TAOK3: variants seen among roughly 807,000 people sequenced by gnomAD.
The protein encoded by TAOK3 is serine/threonine-protein kinase TAO3.
A neutral mutation model predicts 120.4 loss-of-function variants in TAOK3; 40 were observed. The ratio of observed to expected loss-of-function variants is 0.33; its 90% CI spans 0.26 to 0.43. TAOK3 has a LOEUF of 0.43. Among genes scored for constraint, TAOK3 ranks in the 20% least tolerant of loss-of-function variants. The probability of loss-of-function intolerance (pLI) is 1.00; values close to 1 mark genes in which losing one functional copy is unlikely to be tolerated. For missense variants in TAOK3, 821 were observed against 1,112.1 expected, an observed-to-expected ratio of 0.74 and a Z score of 3.72; for synonymous variants, 355 against 387.5, an observed-to-expected ratio of 0.92 and a Z score of 0.99.
chr12:118,166,827 TACAC>T (rs769244693), intron 17 of TAOK3, among the ~76,000 whole-genome samples: 15 of 146,614 alleles, frequency 1.0e-4, no homozygotes, highest in South Asian at 2.1e-4. Flanking sequence ...TATATATATA[TACAC>T]ACACACACAC....
chr12:118,326,746 T>C (rs1030022283), intron 1 of TAOK3, among the ~76,000 whole-genome samples: 3 of 152,192 alleles, frequency 2.0e-5, no homozygotes, highest in Admixed American at 6.5e-5. Flanking sequence ...GTTGTCACCA[T>C]ATCAGTTGCT....
chr12:118,193,469 A>C (rs1460154408), intron 13 of TAOK3, among the ~76,000 whole-genome samples: 1 of 152,250 alleles, frequency 6.6e-6, no homozygotes, highest in Non-Finnish European at 1.5e-5. Context: ...AAACATGTGA[A>C]GCATGAGGCA....
intron 13 of TAOK3, 159 bp from the exon 14 acceptor site, chr12:118,190,100 C>CA: frequency 1.2e-6 from 1 of 818,386 alleles, no homozygotes; most frequent in Admixed American, 2.8e-5. Flanking sequence ...AATGAATAAG[C>CA]AACACATTGC....
chr12:118,216,775 A>G (rs1161401827), intron 9 of TAOK3, among the ~76,000 whole-genome samples: 1 of 152,022 alleles, frequency 6.6e-6, no homozygotes, highest in East Asian at 1.9e-4. Context: ...AAAAATACAA[A>G]AAAATTAGCC....
intron 11 of TAOK3, 38 bp downstream of exon 11, chr12:118,212,876 T>C (rs1343395805): frequency 1.4e-6 from 2 of 1,406,734 alleles, no homozygotes; most frequent in African/African-American, 2.9e-5. Context: ...TAACATGACT[T>C]TAAATCCCCC....
In TAOK3 at chr12:118,225,094, A is replaced by G. The variant is rs144476598; in HGVS notation, c.643+8580T>C. On this transcript the variant is annotated intron_variant, in intron 9 of 20. Transcript: ENST00000392533. ...GAAATTCTGTCTCTACTAAAAATATAAAAATTAGCCGGGAGTGGTGGTGGG... is the reference window on the plus strand; with the variant it reads ...GAAATTCTGTCTCTACTAAAAATATGAAAATTAGCCGGGAGTGGTGGTGGG... 9.3e-4 allele frequency among the ~76,000 whole-genome samples: 141 copies of G among 151,934 alleles called. 2 individuals are homozygous for G. The East Asian group carries it at 0.015, about 16-fold the overall frequency.
intron 1 of TAOK3, among the ~76,000 whole-genome samples, chr12:118,277,717 C>T (rs531412705): frequency 6.6e-5 from 10 of 152,114 alleles, no homozygotes; most frequent in Admixed American, 6.6e-4. Context: ...CCCCGATCTC[C>T]CAAAGTGCTG....
chr12:118,265,074 T>C (rs1040876499), intron 2 of TAOK3, among the ~76,000 whole-genome samples: 12 of 151,270 alleles, frequency 7.9e-5, no homozygotes, highest in African/African-American at 2.7e-4. Context: ...TAGAGAAAAA[T>C]TTTGCAAAAT....
chr12:118,238,199 G>C (rs1444631325), intron 6 of TAOK3, 30 bp from the exon 7 acceptor site: 4 of 1,332,412 alleles, frequency 3.0e-6, no homozygotes, highest in Admixed American at 1.7e-5. Context: ...AAAGTCAGTA[G>C]ATGATCAGTT....
intron 14 of TAOK3, 25 bp from the exon 15 acceptor site, chr12:118,181,632 T>C: frequency 6.2e-7 from 1 of 1,602,176 alleles, no homozygotes; most frequent in Non-Finnish European, 8.5e-7. Context: ...GAAACAGAAC[T>C]CAGGTAACCA....
intron 13 of TAOK3, 98 bp downstream of exon 13, chr12:118,198,953 G>C: frequency 7.4e-7 from 1 of 1,355,142 alleles, no homozygotes. Flanking sequence ...CACTGCAGTT[G>C]CAAAAAGGTA....
At chr12:118,278,379 G>A (rs1437935921) in intron 1 of TAOK3, among the ~76,000 whole-genome samples, 1 of 152,094 alleles carries the variant, frequency 6.6e-6, no homozygotes, top group East Asian at 1.9e-4. Context: ...TCACTTAAAA[G>A]TGAGAACATG....
At chr12:118,241,168 A>G (rs1308772192) in intron 5 of TAOK3, among the ~76,000 whole-genome samples, 2 of 151,374 alleles carry the variant, frequency 1.3e-5, no homozygotes, top group African/African-American at 4.8e-5. Context: ...GGAATAATTT[A>G]GAACAATGAG....
intron 1 of TAOK3, among the ~76,000 whole-genome samples, chr12:118,312,038 C>A (rs527977142): frequency 6.6e-6 from 1 of 152,228 alleles, no homozygotes; most frequent in Non-Finnish European, 1.5e-5. Flanking sequence ...AGCAAAACAA[C>A]AGCACCTTGA....
At position 118,199,144 on chromosome 12, in the gene TAOK3, C is replaced by A. The variant is rs1309551798; in HGVS notation, c.1101G>T (p.Met367Ile). The change falls in exon 13 of 21, where the codon ATG becomes ATT. Residue 367 changes from methionine (M) to isoleucine (I), a missense_variant. By Grantham distance (10) the Met-to-Ile change is conservative. Coordinates refer to ENST00000392533, the MANE Select transcript of TAOK3 (RefSeq NM_016281.4). ...AACTGCTCTCGTCCATGACTTCCTG[C>A]ATGCTGTTCACACTGCTGCTCTGGC... ...TGSQSSSVNS[M>I]QEVMDESSSE... 1.9e-6 allele frequency: 3 copies of A among 1,614,188 alleles called. No homozygotes were observed. The highest frequency in any genetic ancestry group is 2.5e-6 in the Non-Finnish European group (3 of 1,180,034).
At chr12:118,245,007 T>C in intron 3 of TAOK3, 42 bp from the exon 4 acceptor site, 7 of 1,346,332 alleles carry the variant, frequency 5.2e-6, no homozygotes, top group Non-Finnish European at 7.3e-6. Context: ...GAATTAGTGA[T>C]GTTTCAGCCA....
chr12:118,219,865 C>T (rs950657514), intron 9 of TAOK3, among the ~76,000 whole-genome samples: 5 of 150,680 alleles, frequency 3.3e-5, no homozygotes, highest in African/African-American at 1.2e-4. Flanking sequence ...CTGCCCGCCC[C>T]AACCTCCCAA....
rs1275317409 is a variant in TAOK3 at position 118,255,380 on chromosome 12, A to G, written c.120+68T>C. The G allele has an allele frequency of 1.9e-6, 3 of 1,560,132 alleles. No individual in the cohort carries two copies. The Admixed American group carries it at 5.3e-5, about 28-fold the overall frequency. On this transcript the variant is annotated intron_variant, in intron 3 of 20. Transcript: ENST00000392533. ...AGTGCTAGGATTACAGGCGTGAGTC[A>G]CTGTGCCAGGCCTAGAGTCCAACCT...
At chr12:118,246,515 C>G in intron 3 of TAOK3, 2 of 1,563,220 alleles carry the variant, frequency 1.3e-6, no homozygotes, top group Non-Finnish European at 1.7e-6. Flanking sequence ...TTAAGTGCTC[C>G]AAGGAGGTGG....
Sources: gnomAD v4.1 joint callset for allele counts (sites outside exome capture counted in the v4.1 genomes callset) on GRCh38, gnomAD v4.1.1 for gene constraint, MANE v1.5 for transcripts, NCBI Gene and HGNC (gene_info 2026-07-23, HGNC 2026-07-21) for gene names.